The following ZNHIT6 variants were observed in gnomAD, a reference collection of about 807,000 sequenced individuals.
ZNHIT6 encodes the protein box C/D snoRNA protein 1.
A neutral mutation model predicts 57.2 loss-of-function variants in ZNHIT6; 45 were observed. That is an observed-to-expected ratio of 0.79 (90% CI 0.62 to 1.01). ZNHIT6 has a LOEUF of 1.01. ZNHIT6 is among the 50% of genes least tolerant of loss of function. ZNHIT6 has a pLI of 0.00. For synonymous variants in ZNHIT6, 188 were observed against 190.0 expected (o/e 0.99, Z 0.09); for missense variants, 528 against 567.3 (o/e 0.93, Z 0.70).
chr1:85,667,961 A>AAAAAAAAAAAAAATATATATATAT, intron 8 of ZNHIT6, among the ~76,000 whole-genome samples: 1 of 18,200 alleles, frequency 5.5e-5, no homozygotes, highest in Non-Finnish European at 9.9e-5. Flanking sequence ...AAAAAAAAAA[A>AAAAAAAAAAAAAATATATATATAT]ATATATATAT....
chr1:85,705,977 A>G, intron 4 of ZNHIT6, 101 bp downstream of exon 4: 2 of 969,058 alleles, frequency 2.1e-6, no homozygotes, highest in Non-Finnish European at 3.0e-6. Flanking sequence ...ATAGCTCTAC[A>G]TCATGGTAGC....
Sources: allele counts gnomAD v4.1 joint callset (sites outside exome capture counted in the v4.1 genomes callset), GRCh38; gene constraint gnomAD v4.1.1; transcripts MANE v1.5; gene names NCBI Gene and HGNC (gene_info 2026-07-23, HGNC 2026-07-21).